The following KLHL4 variants were observed in gnomAD, a reference collection of about 807,000 sequenced individuals.
KLHL4 encodes the protein kelch like family member 4.
KLHL4 carries 17 observed loss-of-function variants against 45.8 expected under a neutral mutation model. That is an observed-to-expected ratio of 0.37 (90% CI 0.25 to 0.56). The LOEUF is 0.56. Ranked by LOEUF, KLHL4 falls within the 20% of genes least tolerant of loss-of-function variation. The pLI is 0.79. For synonymous variants in KLHL4, 224 were observed against 189.9 expected, an observed-to-expected ratio of 1.18 and a Z score of -1.47; for missense variants, 544 against 544.9, an observed-to-expected ratio of 1.00 and a Z score of 0.02.
At chrX:87,644,290 C>A (rs1050008104) in intron 9 of KLHL4, among the ~76,000 whole-genome samples, 3 of 111,164 alleles carry the variant, frequency 2.7e-5, no homozygotes, top group Admixed American at 9.6e-5. Flanking sequence ...TAGAACTCAA[C>A]CCCTATTACA....
At chrX:87,529,941 A>G (rs1400036991) in intron 1 of KLHL4, among the ~76,000 whole-genome samples, 1 of 111,828 alleles carries the variant, frequency 8.9e-6, no homozygotes, top group Non-Finnish European at 1.9e-5. Context: ...AGGATACTAC[A>G]TTAGAAATTT....
intron 1 of KLHL4, among the ~76,000 whole-genome samples, chrX:87,581,675 C>CA (rs916106582): frequency 2.2e-4 from 24 of 111,321 alleles, no homozygotes; most frequent in African/African-American, 4.6e-4. Flanking sequence ...GAACAAACAA[C>CA]AAAAAAAACC....
At chrX:87,538,382 G>C (rs1474170562) in intron 1 of KLHL4, among the ~76,000 whole-genome samples, 1 of 111,500 alleles carries the variant, frequency 9.0e-6, no homozygotes, top group Non-Finnish European at 1.9e-5. Flanking sequence ...AGGATTACTG[G>C]TATTTGTGTT....
In KLHL4 at chrX:87,669,183, C is replaced by T. The variant is rs1244279419; in HGVS notation, c.*2649C>T. On this transcript the variant is annotated 3_prime_UTR_variant, in exon 11 of 11. Transcript: ENST00000373119. ...AAGAGTGTAAGGGCTCACACATTTA[C>T]TGTACTCAGATCTGAAAGACAATGT... The T allele has an allele frequency of 9.3e-7, 1 of 1,071,350 alleles. No homozygotes were observed. The highest frequency in any genetic ancestry group is 3.4e-5 in the East Asian group (1 of 29,204). 88.3% of individuals were successfully genotyped at this position (1,071,350 alleles called of 1,213,427 possible).
At chrX:87,574,566 C>A (rs754577095) in intron 1 of KLHL4, among the ~76,000 whole-genome samples, 1 of 111,325 alleles carries the variant, frequency 9.0e-6, no homozygotes, top group Non-Finnish European at 1.9e-5. Context: ...TTAAAGTGTG[C>A]AATTAAGTTT....
chrX:87,575,095 G>A lies in KLHL4; in HGVS notation c.423-38782G>A, dbSNP rs146297167. Among the ~76,000 whole-genome samples the A allele has an allele frequency of 4.5e-3, 502 of 111,924 alleles. 7 individuals carry two copies. In the South Asian group the frequency reaches 0.049, roughly 11 times the overall value. ...CACAATTACAGTATGAACGAATAGC[G>A]TGTAATATGGCTAACAAAATCAATG... is the stretch of plus-strand genomic sequence containing the variant. On this transcript the variant is annotated intron_variant, in intron 1 of 10. Coordinates refer to ENST00000373119, the MANE Select transcript of KLHL4 (RefSeq NM_019117.5).
In KLHL4 at chrX:87,628,962, G is replaced by A. The variant is rs184572412; in HGVS notation, c.1324+3166G>A. ...TTAGTAAACTTTGGATGTCTTGTACGTACATAATATTTTGTAAATTTGTAT... is the reference window on the plus strand; with the variant it reads ...TTAGTAAACTTTGGATGTCTTGTACATACATAATATTTTGTAAATTTGTAT... On this transcript the variant is annotated intron_variant, in intron 6 of 10. Coordinates refer to ENST00000373119, the MANE Select transcript of KLHL4 (RefSeq NM_019117.5). Among the ~76,000 whole-genome samples, 307 of 111,942 alleles carry A rather than the reference G, an allele frequency of 2.7e-3. 2 individuals carry two copies. The highest frequency in any genetic ancestry group is 9.5e-3 in the African/African-American group (294 of 30,936).
chrX:87,634,613 G>T (rs1363628203), intron 8 of KLHL4, among the ~76,000 whole-genome samples: 1 of 111,939 alleles, frequency 8.9e-6, no homozygotes, highest in Non-Finnish European at 1.9e-5. Flanking sequence ...TATTGACTAT[G>T]CATGAAGCCA....
intron 1 of KLHL4, among the ~76,000 whole-genome samples, chrX:87,604,492 C>T (rs1699124703): frequency 9.1e-6 from 1 of 109,441 alleles, no homozygotes; most frequent in African/African-American, 3.3e-5. Context: ...AGTATCTCAA[C>T]GTGGTTTTGA....
intron 1 of KLHL4, among the ~76,000 whole-genome samples, chrX:87,571,156 C>G (rs1932327880): frequency 9.0e-6 from 1 of 110,849 alleles, no homozygotes; most frequent in Non-Finnish European, 1.9e-5. Flanking sequence ...TATTATACTT[C>G]TGTGAGCTTC....
At chrX:87,611,079 A>C (rs1229346627) in intron 1 of KLHL4, among the ~76,000 whole-genome samples, 2 of 111,334 alleles carry the variant, frequency 1.8e-5, no homozygotes, top group Non-Finnish European at 3.8e-5. Flanking sequence ...GTCTCTTCTT[A>C]AAAAAAGAAA....
At chrX:87,655,881 G>A (rs1923975614) in intron 9 of KLHL4, among the ~76,000 whole-genome samples, 1 of 111,788 alleles carries the variant, frequency 8.9e-6, no homozygotes, top group Admixed American at 9.6e-5. Flanking sequence ...GTTTGGTCTA[G>A]TGGTGACAGA....
intron 9 of KLHL4, among the ~76,000 whole-genome samples, chrX:87,639,346 A>G (rs919164084): frequency 9.0e-6 from 1 of 111,648 alleles, no homozygotes; most frequent in African/African-American, 3.3e-5. Flanking sequence ...GAACTAATGG[A>G]CTTAGATATT....
rs139604829 is a variant in KLHL4, at chrX:87,560,289, C to T, written c.422+41974C>T. 3.6e-3 allele frequency among the ~76,000 whole-genome samples: 401 copies of T among 111,961 alleles called. 6 individuals carry two copies. The South Asian group carries it at 0.049, about 14-fold the overall frequency. On this transcript the variant is annotated intron_variant, in intron 1 of 10. Coordinates refer to ENST00000373119, the MANE Select transcript of KLHL4 (RefSeq NM_019117.5). ...CCCTTATCCGTGTAGCTATTTTCCA[C>T]ATTTATTTTTGGAGATTACTTCCTC... is the stretch of plus-strand genomic sequence containing the variant.
chrX:87,640,477 A>G, intron 9 of KLHL4, among the ~76,000 whole-genome samples: 1 of 111,998 alleles, frequency 8.9e-6, no homozygotes, highest in Non-Finnish European at 1.9e-5. Context: ...CAACATGTCA[A>G]AAAGATAATA....
rs34598007 is a variant in KLHL4, at chrX:87,597,977, G to GT, written c.423-15888dup. Among the ~76,000 whole-genome samples the GT allele has an allele frequency of 4.3e-3, 440 of 101,243 alleles. 1 individual carries two copies. Among genetic ancestry groups the GT allele is most frequent in the South Asian group, 0.012 (26 of 2,248 alleles). 87.9% of individuals were successfully genotyped at this position (101,243 alleles called of 115,157 possible). A position where few individuals can be genotyped will look rare whatever the true frequency, so the allele number is the denominator to read the frequency against. ...TTTTCCAGTGCAGAAAAAAAGCAGT[G>GT]TTTTTTTTTTTTAATTCAAATTTGT... is the stretch of plus-strand genomic sequence containing the variant. On this transcript the variant is annotated intron_variant, in intron 1 of 10. Coordinates refer to ENST00000373119, the MANE Select transcript of KLHL4 (RefSeq NM_019117.5).
intron 9 of KLHL4, among the ~76,000 whole-genome samples, chrX:87,664,285 T>C (rs1220129958): frequency 1.8e-5 from 2 of 111,843 alleles, no homozygotes; most frequent in East Asian, 5.6e-4. Context: ...GCAAATAGTA[T>C]TAAAACCAAA....
At chrX:87,570,331 A>G (rs1165326509) in intron 1 of KLHL4, among the ~76,000 whole-genome samples, 1 of 110,492 alleles carries the variant, frequency 9.1e-6, no homozygotes, top group African/African-American at 3.3e-5. Flanking sequence ...TTAGTTGATA[A>G]TTATATATAG....
At chrX:87,537,949 G>A (rs1401311345) in intron 1 of KLHL4, among the ~76,000 whole-genome samples, 3 of 111,362 alleles carry the variant, frequency 2.7e-5, no homozygotes, top group African/African-American at 9.8e-5. Flanking sequence ...TGAATCTGGT[G>A]TGCTGGAAAG....
Sources: allele counts gnomAD v4.1 joint callset (sites outside exome capture counted in the v4.1 genomes callset), GRCh38; gene constraint gnomAD v4.1.1; transcripts MANE v1.5; gene names NCBI Gene and HGNC (gene_info 2026-07-23, HGNC 2026-07-21).